Variants in ZDHHC14 observed in about 807,000 individuals in gnomAD.
ZDHHC14 encodes the protein zDHHC palmitoyltransferase 14, also known as palmitoyltransferase ZDHHC14.
ZDHHC14 carries 16 observed loss-of-function variants against 47.7 expected under a neutral mutation model. The ratio of observed to expected loss-of-function variants is 0.34; its 90% CI spans 0.23 to 0.51. The LOEUF (loss-of-function observed/expected upper bound fraction) is 0.51, where lower values mean the gene tolerates loss of function less well. Ranked by LOEUF, ZDHHC14 falls within the 20% of genes least tolerant of loss-of-function variation. The probability of loss-of-function intolerance (pLI) is 0.97; values close to 1 mark genes in which losing one functional copy is unlikely to be tolerated. For synonymous variants in ZDHHC14, 293 were observed against 278.9 expected, an observed-to-expected ratio of 1.05 and a Z score of -0.50; for missense variants, 515 against 662.5, an observed-to-expected ratio of 0.78 and a Z score of 2.44.
chr6:157,458,429 A>G (rs1198126287), intron 1 of ZDHHC14, among the ~76,000 whole-genome samples: 1 of 152,246 alleles, frequency 6.6e-6, no homozygotes, highest in African/African-American at 2.4e-5. Flanking sequence ...GCTTGATATA[A>G]TCACAGGAAT....
At chr6:157,458,848 G>GTTTTTTTTTTTTTTTT (rs1778990291) in intron 1 of ZDHHC14, among the ~76,000 whole-genome samples, 14 of 68,762 alleles carry the variant, frequency 2.0e-4, no homozygotes, top group South Asian at 1.1e-3. Flanking sequence ...AATGTGGGTG[G>GTTTTTTTTTTTTTTTT]ATTTTTTTTT....
chr6:157,573,963 G>C (rs201220523), intron 2 of ZDHHC14, among the ~76,000 whole-genome samples: 11 of 151,874 alleles, frequency 7.2e-5, no homozygotes, highest in Non-Finnish European at 2.9e-5. Flanking sequence ...CTCGGGGTCG[G>C]GGGGGAAGTT....
At chr6:157,555,797 T>C (rs1426658628) in intron 2 of ZDHHC14, among the ~76,000 whole-genome samples, 3 of 152,194 alleles carry the variant, frequency 2.0e-5, no homozygotes, top group Non-Finnish European at 4.4e-5. Context: ...CCCCACCTTC[T>C]ACCCACTAGA....
At chr6:157,457,690 T>C (rs913369458) in intron 1 of ZDHHC14, among the ~76,000 whole-genome samples, 1 of 152,246 alleles carries the variant, frequency 6.6e-6, no homozygotes, top group Admixed American at 6.5e-5. Context: ...CAAATTGCCC[T>C]TGGCATCGGG....
At position 157,592,966 on chromosome 6, in the gene ZDHHC14, CT is replaced by C. The variant is rs747999954; in HGVS notation, c.407-19del. 2.4e-5 allele frequency: 39 copies of C among 1,602,848 alleles called. No homozygotes were observed. In the African/African-American group the frequency reaches 4.3e-4, roughly 18 times the overall value. On this transcript the variant is annotated intron_variant, in intron 2 of 8. Coordinates refer to ENST00000359775, the MANE Select transcript of ZDHHC14 (RefSeq NM_024630.3). The stretch of plus-strand genomic sequence containing the variant: ...GAGGGAGGCTCTGAAGGTGTGCGCT[CT>C]TTCTCTTCTTTTCTCCACAGATATC...
intron 1 of ZDHHC14, among the ~76,000 whole-genome samples, chr6:157,475,722 AT>A (rs1416174658): frequency 1.3e-5 from 2 of 152,122 alleles, no homozygotes. Flanking sequence ...AACACTGTTG[AT>A]TTTGTATGCT....
intron 1 of ZDHHC14, among the ~76,000 whole-genome samples, chr6:157,489,733 C>A (rs1419250632): frequency 1.3e-5 from 2 of 152,088 alleles, no homozygotes; most frequent in African/African-American, 2.4e-5. Flanking sequence ...AGGGGAGAAA[C>A]CTGGGTTTTC....
intron 3 of ZDHHC14, among the ~76,000 whole-genome samples, chr6:157,604,297 A>G (rs1470145244): frequency 6.6e-6 from 1 of 152,020 alleles, no homozygotes; most frequent in Admixed American, 6.6e-5. Flanking sequence ...AAAAAAAAAA[A>G]AAAAAAAAAG....
intron 1 of ZDHHC14, among the ~76,000 whole-genome samples, chr6:157,425,232 G>T (rs1562420121): frequency 6.6e-6 from 1 of 151,954 alleles, no homozygotes; most frequent in Non-Finnish European, 1.5e-5. Context: ...ATTATAAATG[G>T]AGGCCTTTCC....
chr6:157,553,341 G>A (rs1456927644), intron 2 of ZDHHC14, among the ~76,000 whole-genome samples: 1 of 152,102 alleles, frequency 6.6e-6, no homozygotes, highest in Non-Finnish European at 1.5e-5. Flanking sequence ...AGACATAGAA[G>A]CCCCCAAATC....
intron 3 of ZDHHC14, among the ~76,000 whole-genome samples, chr6:157,596,553 G>A (rs919800222): frequency 1.3e-5 from 2 of 152,130 alleles, no homozygotes; most frequent in Non-Finnish European, 2.9e-5. Flanking sequence ...AGCTTTCTCT[G>A]GTCAAATATA....
intron 2 of ZDHHC14, among the ~76,000 whole-genome samples, chr6:157,547,505 A>G (rs1264605134): frequency 6.6e-6 from 1 of 151,468 alleles, no homozygotes; most frequent in Non-Finnish European, 1.5e-5. Context: ...CACTGATTTG[A>G]CTTGCTGGGC....
At chr6:157,456,728 G>A (rs1778926087) in intron 1 of ZDHHC14, among the ~76,000 whole-genome samples, 1 of 152,152 alleles carries the variant, frequency 6.6e-6, no homozygotes, top group Non-Finnish European at 1.5e-5. Context: ...GGGAGGAGGA[G>A]ATTGAAGAAG....
intron 2 of ZDHHC14, among the ~76,000 whole-genome samples, chr6:157,549,758 G>A (rs1348174928): frequency 6.6e-6 from 1 of 152,222 alleles, no homozygotes; most frequent in Non-Finnish European, 1.5e-5. Context: ...AAGGGAAGGA[G>A]GGAGCCAGAG....
intron 2 of ZDHHC14, among the ~76,000 whole-genome samples, chr6:157,548,949 C>T (rs908779068): frequency 2.4e-4 from 36 of 152,244 alleles, no homozygotes; most frequent in Admixed American, 2.0e-3. Flanking sequence ...CGTCTCTCCC[C>T]GTGTAGGATG....
At position 157,582,821 on chromosome 6, in the gene ZDHHC14, T is replaced by C. The variant is rs1418019545; in HGVS notation, c.407-10167T>C. The stretch of plus-strand genomic sequence containing the variant: ...TTTCATGTGTAATATCCTGAAATAG[T>C]TTTCCAAGTTGCTTACTTTTTCCCT... On this transcript the variant is annotated intron_variant, in intron 2 of 8. Coordinates refer to ENST00000359775, the MANE Select transcript of ZDHHC14 (RefSeq NM_024630.3). The surrounding 1 kb of genome is among the most constrained non-coding windows in gnomAD (Gnocchi z 4.3). Among the ~76,000 whole-genome samples, 2 of 152,194 alleles carry C rather than the reference T, an allele frequency of 1.3e-5. No homozygotes were observed. Among genetic ancestry groups the C allele is most frequent in the African/African-American group, 4.8e-5 (2 of 41,438 alleles).
chr6:157,520,833 G>T (rs1045850094), intron 1 of ZDHHC14, among the ~76,000 whole-genome samples: 1 of 152,138 alleles, frequency 6.6e-6, no homozygotes, highest in African/African-American at 2.4e-5. Flanking sequence ...TGGGAAACTA[G>T]CCCAGATTAC....
At chr6:157,396,213 G>A (rs982769831) in intron 1 of ZDHHC14, among the ~76,000 whole-genome samples, 14 of 152,042 alleles carry the variant, frequency 9.2e-5, no homozygotes, top group Non-Finnish European at 1.9e-4. Context: ...TTGACATACC[G>A]AGGCCTTTCC....
intron 1 of ZDHHC14, among the ~76,000 whole-genome samples, chr6:157,526,156 A>C (rs1203599882): frequency 6.6e-6 from 1 of 152,216 alleles, no homozygotes; most frequent in Non-Finnish European, 1.5e-5. Flanking sequence ...GCAGGAAGGA[A>C]ATACTATTTA....
Sources: allele counts gnomAD v4.1 joint callset (sites outside exome capture counted in the v4.1 genomes callset), GRCh38; gene constraint gnomAD v4.1.1; non-coding constraint Gnocchi (gnomAD v3.1); transcripts MANE v1.5; gene names NCBI Gene and HGNC (gene_info 2026-07-23, HGNC 2026-07-21).